Variants in HS3ST4 observed in about 807,000 individuals in gnomAD.
The protein encoded by HS3ST4 is heparan sulfate glucosamine 3-O-sulfotransferase 4.
HS3ST4 carries 17 observed loss-of-function variants against 29.2 expected under a neutral mutation model. The observed-to-expected ratio is 0.58, with a 90% CI of 0.40 to 0.87. The LOEUF is 0.87. HS3ST4 is among the 40% of genes least tolerant of loss of function. The pLI is 0.00. For synonymous variants in HS3ST4, 314 were observed against 285.7 expected (o/e 1.10, Z -1.00); for missense variants, 627 against 634.5 (o/e 0.99, Z 0.13).
At chr16:26,075,290 C>T (rs2141779333) in intron 1 of HS3ST4, among the ~76,000 whole-genome samples, 1 of 152,266 alleles carries the variant, frequency 6.6e-6, no homozygotes, top group East Asian at 1.9e-4. Context: ...AGCCAACCTC[C>T]TGGGTGGTTG....
intron 1 of HS3ST4, among the ~76,000 whole-genome samples, chr16:25,788,549 T>TC (rs1966861471): frequency 7.1e-6 from 1 of 140,472 alleles, no homozygotes; most frequent in Non-Finnish European, 1.6e-5. Flanking sequence ...TCTTTCTTTT[T>TC]TTTTTTTTTT....
At chr16:25,731,367 G>T (rs182082106) in intron 1 of HS3ST4, among the ~76,000 whole-genome samples, 1 of 152,186 alleles carries the variant, frequency 6.6e-6, no homozygotes, top group Admixed American at 6.5e-5. Flanking sequence ...TTGAGACAAG[G>T]CCTCCCTGTG....
Position 25,701,240 on chromosome 16 carries a change from A to G in HS3ST4, c.734+8089A>G, listed in dbSNP as rs937854262. 4.6e-5 allele frequency among the ~76,000 whole-genome samples: 7 copies of G among 152,342 alleles called. No individual in the cohort carries two copies. The East Asian group carries it at 1.3e-3, about 29-fold the overall frequency. ...ATCTTTTTGGAAACAGTTTTTCTTA[A>G]GAACTTCTGTAGGAAATTCCTAGAG... On this transcript the variant is annotated intron_variant, in intron 1 of 1. Coordinates refer to ENST00000331351, the MANE Select transcript of HS3ST4 (RefSeq NM_006040.3).
chr16:26,100,926 G>T (rs1166094297), intron 1 of HS3ST4, among the ~76,000 whole-genome samples: 1 of 152,034 alleles, frequency 6.6e-6, no homozygotes, highest in Non-Finnish European at 1.5e-5. Context: ...ACTAAGCCAG[G>T]GCTCAAAGGC....
At chr16:25,920,146 C>G (rs1240878041) in intron 1 of HS3ST4, among the ~76,000 whole-genome samples, 2 of 152,128 alleles carry the variant, frequency 1.3e-5, no homozygotes, top group Admixed American at 1.3e-4. Flanking sequence ...TCTCATTGCT[C>G]AACCTTAATC....
intron 1 of HS3ST4, among the ~76,000 whole-genome samples, chr16:26,120,075 G>GTGTGTGTA (rs1899254131): frequency 9.7e-6 from 1 of 102,924 alleles, no homozygotes. Flanking sequence ...GTGTGTATGT[G>GTGTGTGTA]TGTGTGTGTG....
In HS3ST4 at chr16:26,019,282, C is replaced by T. The variant is rs140696964; in HGVS notation, c.735-116330C>T. Among the ~76,000 whole-genome samples the T allele has an allele frequency of 4.4e-3, 673 of 152,228 alleles. 4 individuals carry two copies. Among genetic ancestry groups the T allele is most frequent in the African/African-American group, 0.015 (636 of 41,534 alleles). On this transcript the variant is annotated intron_variant, in intron 1 of 1. Coordinates refer to ENST00000331351, the MANE Select transcript of HS3ST4 (RefSeq NM_006040.3). Reference sequence around the variant, plus strand: ...ATTGACTTATAAGGAAGGGCACCATCATTTAGTATTTTCACGTCCCAATCA... The same window carrying T: ...ATTGACTTATAAGGAAGGGCACCATTATTTAGTATTTTCACGTCCCAATCA...
At chr16:25,698,420 T>G (rs1966313733) in intron 1 of HS3ST4, among the ~76,000 whole-genome samples, 1 of 152,210 alleles carries the variant, frequency 6.6e-6, no homozygotes. Context: ...CCTTTCTTGA[T>G]TCTAAAAGCA....
At chr16:25,879,818 A>G (rs549472225) in intron 1 of HS3ST4, among the ~76,000 whole-genome samples, 32 of 152,278 alleles carry the variant, frequency 2.1e-4, no homozygotes, top group African/African-American at 7.7e-4. Context: ...ACAGTTCCAC[A>G]TGGCTGGGGA....
At chr16:25,955,876 G>A (rs1161264811) in intron 1 of HS3ST4, among the ~76,000 whole-genome samples, 1 of 150,428 alleles carries the variant, frequency 6.6e-6, no homozygotes, top group Admixed American at 6.6e-5. Flanking sequence ...GTGCAGTGGT[G>A]CGATCTCGGC....
At chr16:26,074,142 C>T (rs984145183) in intron 1 of HS3ST4, among the ~76,000 whole-genome samples, 18 of 152,108 alleles carry the variant, frequency 1.2e-4, no homozygotes, top group African/African-American at 4.3e-4. Context: ...CCCTCCGTGC[C>T]CCACATCATT....
At chr16:25,808,392 T>A (rs1967009317) in intron 1 of HS3ST4, among the ~76,000 whole-genome samples, 1 of 152,242 alleles carries the variant, frequency 6.6e-6, no homozygotes, top group Non-Finnish European at 1.5e-5. Flanking sequence ...AGGCTGTGTT[T>A]CTTTTTTTGT....
chr16:25,787,063 A>G (rs1432056209), intron 1 of HS3ST4, among the ~76,000 whole-genome samples: 3 of 152,234 alleles, frequency 2.0e-5, no homozygotes, highest in South Asian at 2.1e-4. Flanking sequence ...TGTTAAAAAT[A>G]TCATATAAAA....
chr16:25,944,396 A>T (rs976578395), intron 1 of HS3ST4, among the ~76,000 whole-genome samples: 2 of 152,218 alleles, frequency 1.3e-5, no homozygotes, highest in Admixed American at 6.5e-5. Context: ...GAATGTTGCC[A>T]CCTGCACATG....
intron 1 of HS3ST4, among the ~76,000 whole-genome samples, chr16:25,891,907 G>C (rs1968012225): frequency 6.6e-6 from 1 of 152,174 alleles, no homozygotes; most frequent in Non-Finnish European, 1.5e-5. Context: ...CTGTGCCTTT[G>C]CTTCTTCATC....
chr16:25,872,035 G>T (rs919830324), intron 1 of HS3ST4, among the ~76,000 whole-genome samples: 1 of 152,140 alleles, frequency 6.6e-6, no homozygotes. Flanking sequence ...CAACCACTTA[G>T]CCATGTAGGG....
chr16:26,106,921 A>G (rs936005618), intron 1 of HS3ST4, among the ~76,000 whole-genome samples: 5 of 152,070 alleles, frequency 3.3e-5, no homozygotes, highest in African/African-American at 1.2e-4. Flanking sequence ...AACAACTGAT[A>G]TTTCACATCA....
At chr16:25,727,347 G>C (rs774282518) in intron 1 of HS3ST4, among the ~76,000 whole-genome samples, 2 of 152,158 alleles carry the variant, frequency 1.3e-5, no homozygotes, top group Non-Finnish European at 2.9e-5. Context: ...CAATCTCCAA[G>C]ATCTGCTGTT....
At chr16:26,126,429 C>T (rs1567318341) in intron 1 of HS3ST4, among the ~76,000 whole-genome samples, 1 of 152,328 alleles carries the variant, frequency 6.6e-6, no homozygotes, top group East Asian at 1.9e-4. Context: ...AGACAGTACA[C>T]ACATGAACTC....
Sources: gnomAD v4.1 joint callset for allele counts (sites outside exome capture counted in the v4.1 genomes callset) on GRCh38, gnomAD v4.1.1 for gene constraint, MANE v1.5 for transcripts, NCBI Gene and HGNC (gene_info 2026-07-23, HGNC 2026-07-21) for gene names.